Variants in PRND observed in about 807,000 individuals in gnomAD.
PRND encodes prion-like protein doppel.
For missense variants in PRND, 227 were observed against 223.3 expected, an observed-to-expected ratio of 1.02 and a Z score of -0.11; for synonymous variants, 94 against 93.2, an observed-to-expected ratio of 1.01 and a Z score of -0.05.
intron 1 of PRND, among the ~76,000 whole-genome samples, chr20:4,723,938 ATGTG>A (rs78289429): frequency 0.011 from 1,604 of 146,146 alleles, 15 homozygotes; most frequent in Middle Eastern, 0.024. Context: ...TCTCTAAAAT[ATGTG>A]TGTGTGTGTG....
In PRND at chr20:4,724,505, T is replaced by C. The variant is rs774555311; in HGVS notation, c.-11-36T>C. 56 of 1,612,258 alleles carry C rather than the reference T, an allele frequency of 3.5e-5. No individual in the cohort carries two copies. Among genetic ancestry groups the C allele is most frequent in the Non-Finnish European group, 4.6e-5 (54 of 1,179,268 alleles). On this transcript the variant is annotated intron_variant, in intron 1 of 1. Transcript: ENST00000305817. The surrounding 1 kb of genome is among the most constrained non-coding windows in gnomAD (Gnocchi z 4.8). The stretch of plus-strand genomic sequence containing the variant: ...GGGGGCAGGGGAGCCCAGGCAGGCC[T>C]GGTGGGGAGCTGACCCACCGCCGTT...
chr20:4,721,960 G>A lies in PRND; in HGVS notation c.-21G>A, dbSNP rs1923117888. 6.6e-6 allele frequency: 1 copy of A among 152,306 alleles called. No homozygotes were observed. The highest frequency in any genetic ancestry group is 1.5e-5 in the Non-Finnish European group (1 of 68,096). 9.4% of individuals were successfully genotyped at this position (152,306 alleles called of 1,614,324 possible). On this transcript the variant is annotated 5_prime_UTR_variant, in exon 1 of 2. Coordinates refer to ENST00000305817, the MANE Select transcript of PRND (RefSeq NM_012409.4). ...CGAGGCTCCAGAGGCACACTCCAGA[G>A]AGAGCCAAGGTACGTGGGGGGCCAC... is the stretch of plus-strand genomic sequence containing the variant.
In PRND at chr20:4,725,607, T is replaced by G. The variant is rs373920705; in HGVS notation, c.*525T>G. 5.9e-6 allele frequency: 1 copy of G among 169,296 alleles called. No individual in the cohort carries two copies. The highest frequency in any genetic ancestry group is 1.4e-5 in the Non-Finnish European group (1 of 69,470). 10.5% of individuals were successfully genotyped at this position (169,296 alleles called of 1,614,324 possible). A position where few individuals can be genotyped will look rare whatever the true frequency, so the allele number is the denominator to read the frequency against. ...CCCACATCCAAACATGTATCTCTAA[T>G]GAAATTGTGAAAGCTCCATGTTTAG... On this transcript the variant is annotated 3_prime_UTR_variant, in exon 2 of 2. Transcript: ENST00000305817.
Position 4,724,403 on chromosome 20 carries a change from G to A in PRND, c.-11-138G>A. The A allele has an allele frequency of 8.8e-7, 1 of 1,141,020 alleles. No homozygotes were observed. Among genetic ancestry groups the A allele is most frequent in the Non-Finnish European group, 1.3e-6 (1 of 778,324 alleles). The allele number at this position is 1,141,020 out of a possible 1,614,324, so 70.7% of individuals were successfully genotyped here. On this transcript the variant is annotated intron_variant, in intron 1 of 1. Transcript: ENST00000305817. This position sits in a 1 kb window ranked among gnomAD's most constrained non-coding sequence, Gnocchi z 4.8. ...TTAACCCTGCACAACCCAAACATGGGGAAACAATTATGCTTTTGAGACCAC... is the reference window on the plus strand; with the variant it reads ...TTAACCCTGCACAACCCAAACATGGAGAAACAATTATGCTTTTGAGACCAC...
Position 4,725,862 on chromosome 20 carries a change from CTTT to C in PRND, c.*794_*796del, listed in dbSNP as rs56112733. On this transcript the variant is annotated 3_prime_UTR_variant, in exon 2 of 2. Transcript: ENST00000305817. ...CCTGTGGCATGAAGATTTTCTTTCT[CTTT>C]TTTTTTTTTTTTTAGATGGAGTTTT... 1.2e-3 allele frequency: 175 copies of C among 152,030 alleles called. No homozygotes were observed. Among genetic ancestry groups the C allele is most frequent in the East Asian group, 1.0e-3 (5 of 4,836 alleles). The allele number at this position is 152,030 out of a possible 1,614,324, so 9.4% of individuals were successfully genotyped here. A position where few individuals can be genotyped will look rare whatever the true frequency, so the allele number is the denominator to read the frequency against.
At position 4,724,806 on chromosome 20, in the gene PRND, C is replaced by G; in HGVS notation, c.255C>G (p.Phe85Leu). ...NRYYEANYWQ[F>L]PDGIHYNGCS... is the part of the protein sequence containing the mutation. ...ACTACGAGGCCAACTACTGGCAGTT[C>G]CCCGATGGCATCCACTACAACGGCT... is the stretch of plus-strand genomic sequence containing the variant. The change falls in exon 2 of 2, where the codon TTC becomes TTG. Residue 85 changes from phenylalanine (F) to leucine (L), a missense_variant. Coordinates refer to ENST00000305817, the MANE Select transcript of PRND (RefSeq NM_012409.4). The surrounding 1 kb of genome is among the most constrained non-coding windows in gnomAD (Gnocchi z 4.8). 1 of 1,614,206 alleles carries G rather than the reference C, an allele frequency of 6.2e-7. No individual in the cohort carries two copies. The highest frequency in any genetic ancestry group is 1.1e-5 in the South Asian group (1 of 91,082).
In PRND at chr20:4,727,126, G is replaced by C. The variant is rs917821440; in HGVS notation, c.*2044G>C. On this transcript the variant is annotated 3_prime_UTR_variant, in exon 2 of 2. Transcript: ENST00000305817. ...GCTGACACTGACATTTCACTTCCTCGCTCTCCTAAGTTTAATTACAACAGC... is the reference window on the plus strand; with the variant it reads ...GCTGACACTGACATTTCACTTCCTCCCTCTCCTAAGTTTAATTACAACAGC... 1 of 167,020 alleles carries C rather than the reference G, an allele frequency of 6.0e-6. No homozygotes were observed. Among genetic ancestry groups the C allele is most frequent in the Admixed American group, 6.5e-5 (1 of 15,278 alleles). The allele number at this position is 167,020 out of a possible 1,614,324, so 10.3% of individuals were successfully genotyped here. A position where few individuals can be genotyped will look rare whatever the true frequency, so the allele number is the denominator to read the frequency against.
rs199773243 is a variant in PRND at position 4,724,587 on chromosome 20, T to C, written c.36T>C (p.Thr12=). The change falls in exon 2 of 2, where the codon ACT becomes ACC. Residue 12 remains threonine, a synonymous_variant. Transcript: ENST00000305817. This position sits in a 1 kb window ranked among gnomAD's most constrained non-coding sequence, Gnocchi z 4.8. ...ACCTGAGCTGGTGGTGGCTGGCCAC[T>C]GTCTGCATGCTGCTCTTCAGCCACC... ...RKHLSWWWLA[T]VCMLLFSHLS... is the part of the protein sequence containing the mutation. The C allele has an allele frequency of 1.0e-4, 167 of 1,614,120 alleles. 1 individual carries two copies. In the East Asian group the frequency reaches 2.4e-3, roughly 23 times the overall value.
intron 1 of PRND, among the ~76,000 whole-genome samples, chr20:4,723,339 T>C (rs916895707): frequency 1.3e-5 from 2 of 152,192 alleles, no homozygotes; most frequent in African/African-American, 4.8e-5. Flanking sequence ...AGTTAGGCAA[T>C]GTCAGAGAAG....
intron 1 of PRND, among the ~76,000 whole-genome samples, chr20:4,723,336 C>A (rs1456626504): frequency 6.6e-6 from 1 of 152,172 alleles, no homozygotes; most frequent in Admixed American, 6.5e-5. Flanking sequence ...TTAAGTTAGG[C>A]AATGTCAGAG....
At chr20:4,723,813 T>A (rs1202218959) in intron 1 of PRND, among the ~76,000 whole-genome samples, 4 of 151,986 alleles carry the variant, frequency 2.6e-5, no homozygotes, top group Non-Finnish European at 5.9e-5. Context: ...GTGCCTGTAG[T>A]CCCAGCTACT....
At position 4,727,515 on chromosome 20, in the gene PRND, T is replaced by A. The variant is rs1374686764; in HGVS notation, c.*2433T>A. 6.0e-6 allele frequency: 1 copy of A among 167,088 alleles called. No individual in the cohort carries two copies. 10.4% of individuals were successfully genotyped at this position (167,088 alleles called of 1,614,324 possible). A position where few individuals can be genotyped will look rare whatever the true frequency, so the allele number is the denominator to read the frequency against. On this transcript the variant is annotated 3_prime_UTR_variant, in exon 2 of 2. Transcript: ENST00000305817. ...TATCGTCATTTTGCAGTGTGCATAATTTTGCCAACCGTTGCTTTCGTAGCC... is the reference window on the plus strand; with the variant it reads ...TATCGTCATTTTGCAGTGTGCATAAATTTGCCAACCGTTGCTTTCGTAGCC...
rs1252401392 is a variant in PRND, at chr20:4,724,314, A to G, written c.-11-227A>G. On this transcript the variant is annotated intron_variant, in intron 1 of 1. Transcript: ENST00000305817. This position sits in a 1 kb window ranked among gnomAD's most constrained non-coding sequence, Gnocchi z 4.8. ...CCTTTGCCATTCTTACCTGTCTCGG[A>G]AACCGGGACCAGAGCCCTGAGTGAA... Among the ~76,000 whole-genome samples, 1 of 152,202 alleles carries G rather than the reference A, an allele frequency of 6.6e-6. No individual in the cohort carries two copies. Among genetic ancestry groups the G allele is most frequent in the Non-Finnish European group, 1.5e-5 (1 of 68,034 alleles).
At position 4,724,060 on chromosome 20, in the gene PRND, A is replaced by G. The variant is rs201904402; in HGVS notation, c.-11-481A>G. On this transcript the variant is annotated intron_variant, in intron 1 of 1. Coordinates refer to ENST00000305817, the MANE Select transcript of PRND (RefSeq NM_012409.4). The surrounding 1 kb of genome is among the most constrained non-coding windows in gnomAD (Gnocchi z 4.8). ...TGTATATATGTATATATGTGTGTGTATATACGTGTATATATACATATATAT... is the reference window on the plus strand; with the variant it reads ...TGTATATATGTATATATGTGTGTGTGTATACGTGTATATATACATATATAT... 5.3e-5 allele frequency among the ~76,000 whole-genome samples: 7 copies of G among 131,348 alleles called. No homozygotes were observed. The highest frequency in any genetic ancestry group is 4.9e-4 in the South Asian group (2 of 4,054). 86.2% of individuals were successfully genotyped at this position (131,348 alleles called of 152,430 possible).
chr20:4,724,511 G>A lies in PRND; in HGVS notation c.-11-30G>A. ...AGGGGAGCCCAGGCAGGCCTGGTGGGGAGCTGACCCACCGCCGTTTCTCTG... is the reference window on the plus strand; with the variant it reads ...AGGGGAGCCCAGGCAGGCCTGGTGGAGAGCTGACCCACCGCCGTTTCTCTG... On this transcript the variant is annotated intron_variant, in intron 1 of 1. Transcript: ENST00000305817. The surrounding 1 kb of genome is among the most constrained non-coding windows in gnomAD (Gnocchi z 4.8). 6.2e-7 allele frequency: 1 copy of A among 1,613,286 alleles called. No individual in the cohort carries two copies. The highest frequency in any genetic ancestry group is 1.1e-5 in the South Asian group (1 of 91,040).
chr20:4,722,925 TG>T (rs150548884), intron 1 of PRND, among the ~76,000 whole-genome samples: 3,484 of 152,190 alleles, frequency 0.023, 77 homozygotes, highest in East Asian at 0.073. Flanking sequence ...CCTTAAGGTG[TG>T]GGGTGAGGGG....
rs1056220535 is a variant in PRND at position 4,727,077 on chromosome 20, G to A, written c.*1995G>A. On this transcript the variant is annotated 3_prime_UTR_variant, in exon 2 of 2. Transcript: ENST00000305817. ...AAAAAATAATAACCATGGCAAGAGA[G>A]AAAGAAAGAGAAAGTACTCAGAGGC... is the stretch of plus-strand genomic sequence containing the variant. 1.2e-5 allele frequency: 2 copies of A among 166,950 alleles called. No homozygotes were observed. Among genetic ancestry groups the A allele is most frequent in the Non-Finnish European group, 2.9e-5 (2 of 68,086 alleles). 10.3% of individuals were successfully genotyped at this position (166,950 alleles called of 1,614,324 possible). A position where few individuals can be genotyped will look rare whatever the true frequency, so the allele number is the denominator to read the frequency against.
At position 4,727,228 on chromosome 20, in the gene PRND, A is replaced by T. The variant is rs1259435504; in HGVS notation, c.*2146A>T. Reference sequence around the variant, plus strand: ...GGCCATGATGTCGTTCATTTTCTGTAATTGCTGCCTTTTCTCATTCTGTTA... The same window carrying T: ...GGCCATGATGTCGTTCATTTTCTGTTATTGCTGCCTTTTCTCATTCTGTTA... On this transcript the variant is annotated 3_prime_UTR_variant, in exon 2 of 2. Coordinates refer to ENST00000305817, the MANE Select transcript of PRND (RefSeq NM_012409.4). 1 of 167,002 alleles carries T rather than the reference A, an allele frequency of 6.0e-6. No homozygotes were observed. The highest frequency in any genetic ancestry group is 1.5e-5 in the Non-Finnish European group (1 of 68,110). 10.3% of individuals were successfully genotyped at this position (167,002 alleles called of 1,614,324 possible).
chr20:4,726,627 A>G lies in PRND; in HGVS notation c.*1545A>G, dbSNP rs896856823. 4 of 167,158 alleles carry G rather than the reference A, an allele frequency of 2.4e-5. No individual in the cohort carries two copies. Among genetic ancestry groups the G allele is most frequent in the Non-Finnish European group, 4.4e-5 (3 of 68,130 alleles). The allele number at this position is 167,158 out of a possible 1,614,324, so 10.4% of individuals were successfully genotyped here. A position where few individuals can be genotyped will look rare whatever the true frequency, so the allele number is the denominator to read the frequency against. On this transcript the variant is annotated 3_prime_UTR_variant, in exon 2 of 2. Coordinates refer to ENST00000305817, the MANE Select transcript of PRND (RefSeq NM_012409.4). ...CTCCAGGCCACTCTCAGAGACTCCC[A>G]GGAGTTGTTGAACTATATTTGGAGA...
Sources: gnomAD v4.1 joint callset for allele counts (sites outside exome capture counted in the v4.1 genomes callset) on GRCh38, gnomAD v4.1.1 for gene constraint, Gnocchi (gnomAD v3.1) non-coding constraint, MANE v1.5 for transcripts, NCBI Gene and HGNC (gene_info 2026-07-23, HGNC 2026-07-21) for gene names.